The following DLGAP1 variants were observed in gnomAD, a reference collection of about 807,000 sequenced individuals.
DLGAP1 encodes the protein disks large-associated protein 1.
DLGAP1 carries 11 observed loss-of-function variants against 90.8 expected under a neutral mutation model. The observed-to-expected ratio is 0.12, with a 90% CI of 0.08 to 0.20. DLGAP1 has a LOEUF of 0.20. Ranked by LOEUF, DLGAP1 falls within the 10% of genes least tolerant of loss-of-function variation. The pLI is 1.00. For synonymous variants in DLGAP1, 558 were observed against 540.7 expected (o/e 1.03, Z -0.44); for missense variants, 1,050 against 1,333.8 (o/e 0.79, Z 3.31).
chr18:3,502,377 T>A, intron 12 of DLGAP1, 116 bp downstream of exon 12: 1 of 1,481,774 alleles, frequency 6.7e-7, no homozygotes, highest in South Asian at 1.4e-5. Context: ...GAAATTAATA[T>A]GATATCAGCT....
At chr18:4,422,209 A>G (rs2083054021) in intron 1 of DLGAP1, among the ~76,000 whole-genome samples, 1 of 151,650 alleles carries the variant, frequency 6.6e-6, no homozygotes, top group African/African-American at 2.4e-5. Context: ...AAGTGTATAT[A>G]TAAAAATATA....
intron 2 of DLGAP1, among the ~76,000 whole-genome samples, chr18:4,116,147 A>T (rs1340488752): frequency 6.6e-6 from 1 of 152,186 alleles, no homozygotes; most frequent in African/African-American, 2.4e-5. Flanking sequence ...TAATTTTGGT[A>T]GATTCTTGTT....
chr18:3,600,023 G>A (rs926817742), intron 7 of DLGAP1, among the ~76,000 whole-genome samples: 4 of 151,474 alleles, frequency 2.6e-5, no homozygotes, highest in Non-Finnish European at 4.4e-5. Context: ...GGGCTCAAGC[G>A]AACCTCCCAC....
At chr18:4,192,631 CCT>C (rs1335240408) in intron 1 of DLGAP1, among the ~76,000 whole-genome samples, 6 of 152,110 alleles carry the variant, frequency 3.9e-5, no homozygotes, top group Non-Finnish European at 7.3e-5. Flanking sequence ...ATTATGTGCC[CCT>C]GAGAGGGATT....
chr18:4,200,786 C>T (rs1380769772), intron 1 of DLGAP1, among the ~76,000 whole-genome samples: 1 of 152,008 alleles, frequency 6.6e-6, no homozygotes, highest in Non-Finnish European at 1.5e-5. Flanking sequence ...AAAACTAGGG[C>T]AATTCTTGTC....
intron 2 of DLGAP1, among the ~76,000 whole-genome samples, chr18:4,128,379 T>C (rs1387013559): frequency 1.3e-5 from 2 of 152,190 alleles, no homozygotes; most frequent in Non-Finnish European, 2.9e-5. Context: ...GACTTGAGCA[T>C]CTGTGGATTT....
intron 2 of DLGAP1, among the ~76,000 whole-genome samples, chr18:4,047,953 G>T: frequency 6.6e-6 from 1 of 152,052 alleles, no homozygotes; most frequent in Non-Finnish European, 1.5e-5. Context: ...ATGCTACCAT[G>T]CCCAGCGAAG....
At chr18:3,915,136 T>C (rs2072115640) in intron 3 of DLGAP1, among the ~76,000 whole-genome samples, 1 of 152,260 alleles carries the variant, frequency 6.6e-6, no homozygotes, top group Non-Finnish European at 1.5e-5. Flanking sequence ...ATTTTTTATA[T>C]GCCTGTTTGC....
At chr18:3,892,693 G>A (rs28587624) in intron 3 of DLGAP1, among the ~76,000 whole-genome samples, 1,654 of 152,044 alleles carry the variant, frequency 0.011, 34 homozygotes, top group African/African-American at 0.038. Flanking sequence ...TGCACCAAGT[G>A]AAAGCCTTTG....
chr18:4,192,862 C>T (rs1002049256), intron 1 of DLGAP1, among the ~76,000 whole-genome samples: 10 of 152,104 alleles, frequency 6.6e-5, no homozygotes, highest in African/African-American at 2.4e-4. Flanking sequence ...ACAGGGTTGA[C>T]AGAAGTTGTT....
intron 8 of DLGAP1, 30 bp downstream of exon 8, chr18:3,581,845 A>G (rs1436600293): frequency 1.9e-6 from 3 of 1,604,152 alleles, no homozygotes; most frequent in Admixed American, 1.7e-5. Flanking sequence ...TTAAGTTCCT[A>G]TTTCAAAGGA....
intron 7 of DLGAP1, among the ~76,000 whole-genome samples, chr18:3,700,767 G>A (rs941930419): frequency 5.3e-5 from 8 of 151,602 alleles, no homozygotes; most frequent in Non-Finnish European, 4.4e-5. Flanking sequence ...CCACCACCAC[G>A]CCCGGCTAAT....
At chr18:4,411,169 T>C (rs2082769204) in intron 1 of DLGAP1, among the ~76,000 whole-genome samples, 1 of 152,152 alleles carries the variant, frequency 6.6e-6, no homozygotes, top group Non-Finnish European at 1.5e-5. Context: ...AACAAATTTT[T>C]TTTTCATGCA....
intron 1 of DLGAP1, among the ~76,000 whole-genome samples, chr18:4,365,528 CA>C (rs566167886): frequency 1.0e-3 from 159 of 152,144 alleles, no homozygotes; most frequent in African/African-American, 3.6e-3. Context: ...CATTGAATTA[CA>C]CAACTAAAAT....
At chr18:3,716,816 A>G (rs902040622) in intron 7 of DLGAP1, among the ~76,000 whole-genome samples, 1 of 151,924 alleles carries the variant, frequency 6.6e-6, no homozygotes, top group South Asian at 2.1e-4. Flanking sequence ...CTCCTTTCCC[A>G]TATTATTATA....
chr18:4,408,666 T>C (rs943880932), intron 1 of DLGAP1, among the ~76,000 whole-genome samples: 1 of 152,194 alleles, frequency 6.6e-6, no homozygotes, highest in Admixed American at 6.5e-5. Context: ...TGTACAAAAT[T>C]AATAATATGT....
At chr18:3,935,298 C>G (rs780146418) in intron 3 of DLGAP1, among the ~76,000 whole-genome samples, 5 of 152,154 alleles carry the variant, frequency 3.3e-5, no homozygotes, top group Admixed American at 1.3e-4. Flanking sequence ...GAAAAACACT[C>G]TACGATTAGC....
chr18:3,789,110 A>G (rs1015751132), intron 5 of DLGAP1, among the ~76,000 whole-genome samples: 1 of 152,226 alleles, frequency 6.6e-6, no homozygotes, highest in African/African-American at 2.4e-5. Context: ...CTAGTCCTTG[A>G]TTGAGCCCTC....
Position 4,084,712 on chromosome 18 carries a change from A to T in DLGAP1, c.-159+66468T>A, listed in dbSNP as rs533929360. ...TTTACCAAACTTAGCATAAAAATAC[A>T]TGGGGTTACTTATTTCTTTGGGCTT... On this transcript the variant is annotated intron_variant, in intron 2 of 12. Coordinates refer to ENST00000315677, the MANE Select transcript of DLGAP1 (RefSeq NM_004746.4). The surrounding 1 kb of genome is among the most constrained non-coding windows in gnomAD (Gnocchi z 4.0). Among the ~76,000 whole-genome samples, 6 of 152,182 alleles carry T rather than the reference A, an allele frequency of 3.9e-5. No homozygotes were observed. In the South Asian group the frequency reaches 1.2e-3, roughly 32 times the overall value.
Sources: gnomAD v4.1 joint callset for allele counts (sites outside exome capture counted in the v4.1 genomes callset) on GRCh38, gnomAD v4.1.1 for gene constraint, Gnocchi (gnomAD v3.1) non-coding constraint, MANE v1.5 for transcripts, NCBI Gene and HGNC (gene_info 2026-07-23, HGNC 2026-07-21) for gene names.